The following FHIT variants were observed in gnomAD, a reference collection of about 807,000 sequenced individuals.
The protein encoded by FHIT is fragile histidine triad diadenosine triphosphatase.
In FHIT, 19 loss-of-function variants were observed where a neutral mutation model predicts 17.9. That is an observed-to-expected ratio of 1.06 (90% CI 0.74 to 1.56). The LOEUF (loss-of-function observed/expected upper bound fraction) is 1.56. Among genes scored for constraint, FHIT ranks in the 40% most tolerant of loss-of-function variants. FHIT has a pLI of 0.00. For synonymous variants in FHIT, 81 were observed against 69.7 expected, an observed-to-expected ratio of 1.16 and a Z score of -0.81; for missense variants, 248 against 189.2, an observed-to-expected ratio of 1.31 and a Z score of -1.82.
intron 5 of FHIT, among the ~76,000 whole-genome samples, chr3:60,025,256 A>G (rs1192847820): frequency 6.6e-6 from 1 of 152,364 alleles, no homozygotes; most frequent in East Asian, 1.9e-4. Context: ...CAGGGCTTCT[A>G]TGAATCTCCT....
chr3:60,976,096 CTTTTTTTTTTTT>C (rs869239307), intron 3 of FHIT, among the ~76,000 whole-genome samples: 24 of 66,756 alleles, frequency 3.6e-4, no homozygotes, highest in African/African-American at 1.4e-3. Context: ...TTTTCTTTTT[CTTTTTTTTTTTT>C]TTTTTTTTTT....
chr3:59,993,489 T>C (rs1472781494), intron 7 of FHIT, among the ~76,000 whole-genome samples: 2 of 152,006 alleles, frequency 1.3e-5, no homozygotes, highest in African/African-American at 4.8e-5. Flanking sequence ...TGGGAGAATT[T>C]ACGAAACCTC....
At chr3:60,580,940 T>C (rs1412227052) in intron 4 of FHIT, among the ~76,000 whole-genome samples, 2 of 152,050 alleles carry the variant, frequency 1.3e-5, no homozygotes, top group African/African-American at 2.4e-5. Context: ...CAAATGTGCA[T>C]CTATCACCAG....
chr3:60,658,974 T>TG (rs1359968926), intron 4 of FHIT, among the ~76,000 whole-genome samples: 2 of 151,786 alleles, frequency 1.3e-5, no homozygotes, highest in African/African-American at 4.8e-5. Flanking sequence ...TTTTTTTTTT[T>TG]TTAATATGAG....
intron 8 of FHIT, among the ~76,000 whole-genome samples, chr3:59,825,448 A>G (rs1289773882): frequency 6.6e-6 from 1 of 152,200 alleles, no homozygotes; most frequent in Admixed American, 6.5e-5. Context: ...GGAGAAATAA[A>G]TCCTCTTGCA....
At chr3:60,155,842 A>T (rs2107346734) in intron 5 of FHIT, among the ~76,000 whole-genome samples, 1 of 152,168 alleles carries the variant, frequency 6.6e-6, no homozygotes, top group East Asian at 1.9e-4. Context: ...CCTCCACCTC[A>T]ACCGTCACCC....
intron 8 of FHIT, among the ~76,000 whole-genome samples, chr3:59,868,291 TA>T (rs1299944752): frequency 2.0e-5 from 3 of 151,914 alleles, no homozygotes; most frequent in Admixed American, 2.0e-4. Context: ...GTTCACAGTA[TA>T]ATCAGGACAA....
chr3:60,110,312 C>G (rs570320621), intron 5 of FHIT, among the ~76,000 whole-genome samples: 2 of 152,280 alleles, frequency 1.3e-5, no homozygotes, highest in South Asian at 4.2e-4. Flanking sequence ...GTCACAATCT[C>G]TCAACTCATT....
In FHIT at chr3:59,861,077, C is replaced by T. The variant is rs75255037; in HGVS notation, c.348+61269G>A. 2.8e-4 allele frequency among the ~76,000 whole-genome samples: 43 copies of T among 152,170 alleles called. No homozygotes were observed. In the East Asian group the frequency reaches 8.1e-3, roughly 29 times the overall value. ...AGCAGAAACTTGAAACAGAGCTTGA[C>T]TGGCTGGCAGGATGAGAAGAATGGA... On this transcript the variant is annotated intron_variant, in intron 8 of 9. Coordinates refer to ENST00000492590, the MANE Select transcript of FHIT (RefSeq NM_002012.4).
At chr3:60,552,067 T>G (rs756129363) in intron 4 of FHIT, among the ~76,000 whole-genome samples, 2 of 152,156 alleles carry the variant, frequency 1.3e-5, no homozygotes, top group Non-Finnish European at 2.9e-5. Context: ...CTGGACATTC[T>G]ATAGAAATGG....
At chr3:61,107,394 T>C (rs1025362853) in intron 2 of FHIT, among the ~76,000 whole-genome samples, 2 of 152,306 alleles carry the variant, frequency 1.3e-5, no homozygotes, top group South Asian at 2.1e-4. Flanking sequence ...CTTAGGTTGA[T>C]TCTGAATCTT....
rs367903030 is a variant in FHIT at position 60,206,132 on chromosome 3, C to CA, written c.104-191981dup. Among the ~76,000 whole-genome samples the CA allele has an allele frequency of 2.2e-3, 169 of 75,502 alleles. 2 individuals are homozygous for CA. The highest frequency in any genetic ancestry group is 4.8e-3 in the African/African-American group (92 of 19,074). The allele number at this position is 75,502 out of a possible 152,430, so 49.5% of individuals were successfully genotyped here. ...TGGGCGACACAGCGAGACTCCGTCT[C>CA]AAAAAAAAAAAAAAATAAATAATAA... On this transcript the variant is annotated intron_variant, in intron 5 of 9. Coordinates refer to ENST00000492590, the MANE Select transcript of FHIT (RefSeq NM_002012.4).
In FHIT at chr3:59,747,722, C is replaced by A. The variant is rs1282001825; in HGVS notation, c.*1863G>T. On this transcript the variant is annotated 3_prime_UTR_variant, in exon 10 of 10. Coordinates refer to ENST00000492590, the MANE Select transcript of FHIT (RefSeq NM_002012.4). ...TCAGAGGCAAGCACTGAGATTTGAC[C>A]CATCAGCCCTAGGGAAGCTGACTCT... Among the ~76,000 whole-genome samples the A allele has an allele frequency of 6.6e-6, 1 of 151,966 alleles. No homozygotes were observed. Among genetic ancestry groups the A allele is most frequent in the South Asian group, 2.1e-4 (1 of 4,810 alleles).
At chr3:61,113,714 A>G (rs754044520) in intron 2 of FHIT, among the ~76,000 whole-genome samples, 1 of 152,192 alleles carries the variant, frequency 6.6e-6, no homozygotes, top group Non-Finnish European at 1.5e-5. Context: ...GACCATGTCT[A>G]TCTTTGCCCC....
intron 3 of FHIT, among the ~76,000 whole-genome samples, chr3:60,985,171 T>G (rs1575797149): frequency 1.3e-5 from 2 of 152,144 alleles, no homozygotes; most frequent in Admixed American, 6.6e-5. Flanking sequence ...CTTCACCTCC[T>G]CCCACACCTT....
At position 60,663,153 on chromosome 3, in the gene FHIT, G is replaced by GTGATATATATAT. The variant is rs57146494; in HGVS notation, c.-17-126175_-17-126174insATATATATATCA. 1.9e-3 allele frequency among the ~76,000 whole-genome samples: 150 copies of GTGATATATATAT among 77,972 alleles called. 18 individuals carry two copies. Among genetic ancestry groups the GTGATATATATAT allele is most frequent in the African/African-American group, 2.3e-3 (42 of 18,426 alleles). 51.2% of individuals were successfully genotyped at this position (77,972 alleles called of 152,430 possible). A position where few individuals can be genotyped will look rare whatever the true frequency, so the allele number is the denominator to read the frequency against. ...CTATATAGCCCTAATATTGGGTGGA[G>GTGATATATATAT]ATATATATCTCTTTAATGTTGGGTT... is the stretch of plus-strand genomic sequence containing the variant. On this transcript the variant is annotated intron_variant, in intron 4 of 9. Coordinates refer to ENST00000492590, the MANE Select transcript of FHIT (RefSeq NM_002012.4).
chr3:60,067,710 T>C (rs1165071823), intron 5 of FHIT, among the ~76,000 whole-genome samples: 2 of 152,128 alleles, frequency 1.3e-5, no homozygotes, highest in Admixed American at 1.3e-4. Context: ...AAGGCTCAAG[T>C]GTTGTGGTAT....
intron 4 of FHIT, among the ~76,000 whole-genome samples, chr3:60,757,053 C>G (rs2108044542): frequency 6.6e-6 from 1 of 152,084 alleles, no homozygotes; most frequent in Middle Eastern, 3.4e-3. Context: ...AAAAATCAGC[C>G]AGAGCTGTAG....
intron 2 of FHIT, among the ~76,000 whole-genome samples, chr3:61,179,844 CAG>C (rs1432729829): frequency 7.3e-6 from 1 of 136,482 alleles, no homozygotes; most frequent in African/African-American, 2.5e-5. Context: ...AAGATGGCAT[CAG>C]AGTGTCATGT....
Sources: gnomAD v4.1 joint callset for allele counts (sites outside exome capture counted in the v4.1 genomes callset) on GRCh38, gnomAD v4.1.1 for gene constraint, MANE v1.5 for transcripts, NCBI Gene and HGNC (gene_info 2026-07-23, HGNC 2026-07-21) for gene names.